Variants in CNTNAP5 observed in about 807,000 individuals in gnomAD.
CNTNAP5 encodes the protein contactin associated protein family member 5, also known as contactin-associated protein-like 5.
Under a neutral mutation model 150.2 loss-of-function variants are expected in CNTNAP5, and 72 were observed. That is an observed-to-expected ratio of 0.48 (90% CI 0.40 to 0.58). The LOEUF is 0.58. Among genes scored for constraint, CNTNAP5 ranks in the 20% least tolerant of loss-of-function variants. The pLI is 0.00. For missense variants in CNTNAP5, 1,636 were observed against 1,626.2 expected (o/e 1.01, Z -0.10); for synonymous variants, 672 against 619.8 (o/e 1.08, Z -1.25).
rs145179461 is a variant in CNTNAP5, at chr2:124,770,819, G to T, written c.2534-1980G>T. On this transcript the variant is annotated intron_variant, in intron 16 of 23. Coordinates refer to ENST00000682447, the MANE Select transcript of CNTNAP5 (RefSeq NM_001367498.1). The stretch of plus-strand genomic sequence containing the variant: ...ACAGCCATCACCTGTTGAACATGCA[G>T]TATGTGCCAGGCACAGTTCTAATAA... Among the ~76,000 whole-genome samples, 548 of 152,320 alleles carry T rather than the reference G, an allele frequency of 3.6e-3. 2 individuals carry two copies. The highest frequency in any genetic ancestry group is 5.5e-3 in the Non-Finnish European group (373 of 68,030).
chr2:124,223,875 G>A (rs1358214480), intron 2 of CNTNAP5, among the ~76,000 whole-genome samples: 1 of 151,286 alleles, frequency 6.6e-6, no homozygotes, highest in Non-Finnish European at 1.5e-5. Context: ...TAGTGATACA[G>A]TTGGGATGCA....
chr2:124,225,284 G>A (rs978826301), intron 2 of CNTNAP5, among the ~76,000 whole-genome samples: 4 of 152,086 alleles, frequency 2.6e-5, no homozygotes, highest in Non-Finnish European at 4.4e-5. Context: ...ATGTCATTGT[G>A]ATCTCTGATT....
intron 13 of CNTNAP5, among the ~76,000 whole-genome samples, chr2:124,694,036 C>G (rs1208274307): frequency 6.6e-6 from 1 of 152,002 alleles, no homozygotes; most frequent in Non-Finnish European, 1.5e-5. Flanking sequence ...TGTGTACACA[C>G]TTATGGGCTC....
intron 13 of CNTNAP5, among the ~76,000 whole-genome samples, chr2:124,670,431 G>T (rs1363713065): frequency 6.6e-6 from 1 of 151,852 alleles, no homozygotes; most frequent in Non-Finnish European, 1.5e-5. Flanking sequence ...TTGTCTTTTT[G>T]TTGTTGCACT....
intron 2 of CNTNAP5, among the ~76,000 whole-genome samples, chr2:124,223,470 G>T (rs1686377424): frequency 6.6e-6 from 1 of 152,032 alleles, no homozygotes; most frequent in African/African-American, 2.4e-5. Flanking sequence ...CTTTCTTACA[G>T]CAGGGTAGAG....
chr2:124,278,044 T>C (rs967462043), intron 3 of CNTNAP5, among the ~76,000 whole-genome samples: 3 of 152,058 alleles, frequency 2.0e-5, no homozygotes, highest in African/African-American at 7.2e-5. Flanking sequence ...ACATCTTCAC[T>C]GGGGGAGATT....
At chr2:124,236,758 T>A (rs1686757379) in intron 2 of CNTNAP5, among the ~76,000 whole-genome samples, 1 of 152,128 alleles carries the variant, frequency 6.6e-6, no homozygotes, top group Non-Finnish European at 1.5e-5. Context: ...CAGAAGTAAC[T>A]GCCTGGGAAA....
rs1681223008 is a variant in CNTNAP5, at chr2:124,772,439, G to A, written c.2534-360G>A. ...GCCTAAGTCTCCTCCCTGCAGGAGT[G>A]GAGCTGCCTTGCTAACCTCATGTCT... On this transcript the variant is annotated intron_variant, in intron 16 of 23. Coordinates refer to ENST00000682447, the MANE Select transcript of CNTNAP5 (RefSeq NM_001367498.1). Among the ~76,000 whole-genome samples the A allele has an allele frequency of 3.3e-5, 5 of 151,944 alleles. 1 individual carries two copies. The South Asian group carries it at 1.0e-3, about 32-fold the overall frequency.
intron 13 of CNTNAP5, among the ~76,000 whole-genome samples, chr2:124,719,171 G>C (rs1680003367): frequency 1.3e-5 from 2 of 151,990 alleles, no homozygotes; most frequent in Admixed American, 1.3e-4. Flanking sequence ...ACCCTCTTGG[G>C]TTTCACTCTC....
intron 8 of CNTNAP5, among the ~76,000 whole-genome samples, chr2:124,521,576 A>G (rs539448175): frequency 3.3e-5 from 5 of 152,170 alleles, no homozygotes; most frequent in South Asian, 2.1e-4. Context: ...ATAGATACCT[A>G]ATTCGAGGGG....
At chr2:124,390,635 A>G (rs1028370174) in intron 3 of CNTNAP5, among the ~76,000 whole-genome samples, 2 of 152,230 alleles carry the variant, frequency 1.3e-5, no homozygotes. Context: ...CAAAAATGGC[A>G]ACATGTCAGT....
chr2:124,216,174 G>C (rs2104732522), intron 1 of CNTNAP5, among the ~76,000 whole-genome samples: 1 of 152,254 alleles, frequency 6.6e-6, no homozygotes, highest in East Asian at 1.9e-4. Flanking sequence ...GAGCTAAGGT[G>C]CTTTTGGTTA....
chr2:124,608,009 G>C (rs1286518162), intron 11 of CNTNAP5, among the ~76,000 whole-genome samples: 3 of 152,180 alleles, frequency 2.0e-5, no homozygotes, highest in African/African-American at 7.2e-5. Flanking sequence ...ATAACCTTGA[G>C]TTCACTCTAA....
intron 12 of CNTNAP5, among the ~76,000 whole-genome samples, chr2:124,629,090 G>T (rs1301431773): frequency 6.6e-6 from 1 of 152,166 alleles, no homozygotes; most frequent in Non-Finnish European, 1.5e-5. Context: ...AAGAGACTCA[G>T]ACCCCCACAC....
At chr2:124,109,482 T>C (rs957605727) in intron 1 of CNTNAP5, among the ~76,000 whole-genome samples, 1 of 152,234 alleles carries the variant, frequency 6.6e-6, no homozygotes, top group African/African-American at 2.4e-5. Context: ...GCATCAGTAG[T>C]GGCAAGCCTC....
intron 3 of CNTNAP5, among the ~76,000 whole-genome samples, chr2:124,387,864 G>A (rs1291463308): frequency 1.3e-5 from 2 of 152,278 alleles, no homozygotes; most frequent in South Asian, 4.1e-4. Context: ...TCCTTCCACA[G>A]CCCTCCTATC....
At chr2:124,477,956 C>T (rs1012404399) in intron 7 of CNTNAP5, among the ~76,000 whole-genome samples, 1 of 152,024 alleles carries the variant, frequency 6.6e-6, no homozygotes, top group Non-Finnish European at 1.5e-5. Flanking sequence ...ATTGCACACT[C>T]ATTGTTCATA....
At chr2:124,724,143 C>T (rs1558751148) in intron 13 of CNTNAP5, among the ~76,000 whole-genome samples, 1 of 117,046 alleles carries the variant, frequency 8.5e-6, no homozygotes, top group Non-Finnish European at 1.8e-5. Context: ...GACTCCATCT[C>T]AAATAATAAT....
At chr2:124,382,718 A>T (rs1425743) in intron 3 of CNTNAP5, among the ~76,000 whole-genome samples, 131,203 of 152,024 alleles carry the variant, frequency 0.86, 56,749 homozygotes, top group South Asian at 0.92. Context: ...CTTTGCAAAC[A>T]GTAAAAAACA....
Sources: gnomAD v4.1 joint callset for allele counts (sites outside exome capture counted in the v4.1 genomes callset) on GRCh38, gnomAD v4.1.1 for gene constraint, MANE v1.5 for transcripts, NCBI Gene and HGNC (gene_info 2026-07-23, HGNC 2026-07-21) for gene names.